KCNQ1: variants seen among roughly 807,000 people sequenced by gnomAD.
KCNQ1 encodes potassium voltage-gated channel subfamily KQT member 1.
Under a neutral mutation model 72.4 loss-of-function variants are expected in KCNQ1, and 49 were observed. The observed-to-expected ratio is 0.68, with a 90% CI of 0.54 to 0.86. The LOEUF is 0.86. Among genes scored for constraint, KCNQ1 ranks in the 40% least tolerant of loss-of-function variants. The pLI, the probability that KCNQ1 is intolerant of heterozygous loss-of-function variation, is 0.00. For missense variants in KCNQ1, 790 were observed against 945.1 expected (o/e 0.84, Z 2.15); for synonymous variants, 450 against 412.6 (o/e 1.09, Z -1.10).
chr11:2,529,889 C>T (rs1182706068), intron 2 of KCNQ1, among the ~76,000 whole-genome samples: 1 of 152,144 alleles, frequency 6.6e-6, no homozygotes, highest in African/African-American at 2.4e-5. Context: ...CCTTCAGGTC[C>T]GATGCCTGGC....
Position 2,663,096 on chromosome 11 carries a change from G to A in KCNQ1, c.1514+1015G>A, listed in dbSNP as rs570843444. The A allele has an allele frequency of 5.3e-5, 21 of 398,690 alleles. 1 individual carries two copies. The South Asian group carries it at 2.7e-3, about 51-fold the overall frequency. The allele number at this position is 398,690 out of a possible 1,614,324, so 24.7% of individuals were successfully genotyped here. A position where few individuals can be genotyped will look rare whatever the true frequency, so the allele number is the denominator to read the frequency against. On this transcript the variant is annotated intron_variant, in intron 11 of 15. Coordinates refer to ENST00000155840, the MANE Select transcript of KCNQ1 (RefSeq NM_000218.3). This position sits in a 1 kb window ranked among gnomAD's most constrained non-coding sequence, Gnocchi z 5.2. ...TAGCCAGAATGAGGCCACCTCCAGGGAAGGAGTGGCTATCTTAAGGGGTAA... is the reference window on the plus strand; with the variant it reads ...TAGCCAGAATGAGGCCACCTCCAGGAAAGGAGTGGCTATCTTAAGGGGTAA...
chr11:2,629,682 G>C (rs1200043623), intron 10 of KCNQ1: 2 of 398,284 alleles, frequency 5.0e-6, no homozygotes, highest in Admixed American at 4.4e-5. Flanking sequence ...TCTTTTTGAT[G>C]CTATTTTAAA....
chr11:2,599,320 A>G lies in KCNQ1; in HGVS notation c.1393+10466A>G, dbSNP rs1015038479. On this transcript the variant is annotated intron_variant, in intron 10 of 15. Transcript: ENST00000155840. The surrounding 1 kb of genome is among the most constrained non-coding windows in gnomAD (Gnocchi z 4.7). ...CAGTAAAATAGTAAAAATGCCTCTA[A>G]GGCTGCTGAAACAATTTTATTTTGA... Among the ~76,000 whole-genome samples, 1 of 152,244 alleles carries G rather than the reference A, an allele frequency of 6.6e-6. No homozygotes were observed. Among genetic ancestry groups the G allele is most frequent in the Non-Finnish European group, 1.5e-5 (1 of 68,042 alleles).
rs1847439311 is a variant in KCNQ1, at chr11:2,809,249, A to G, written c.1794+31212A>G. 6.6e-6 allele frequency among the ~76,000 whole-genome samples: 1 copy of G among 152,236 alleles called. No individual in the cohort carries two copies. Among genetic ancestry groups the G allele is most frequent in the Admixed American group, 6.5e-5 (1 of 15,282 alleles). On this transcript the variant is annotated intron_variant, in intron 15 of 15. Coordinates refer to ENST00000155840, the MANE Select transcript of KCNQ1 (RefSeq NM_000218.3). The surrounding 1 kb of genome is among the most constrained non-coding windows in gnomAD (Gnocchi z 7.1). The stretch of plus-strand genomic sequence containing the variant: ...AAACAGAAGGAATTGCTGAATTCAG[A>G]TAAATGTTTCTTCACCAAAAGAGAA...
At chr11:2,574,540 C>T (rs1240966216) in intron 6 of KCNQ1, among the ~76,000 whole-genome samples, 3 of 152,212 alleles carry the variant, frequency 2.0e-5, no homozygotes, top group Non-Finnish European at 4.4e-5. Context: ...CCGAGTCCTC[C>T]TTCCAGAAAG....
intron 8 of KCNQ1, 46 bp from the exon 9 acceptor site, chr11:2,587,524 C>T (rs780378493): frequency 6.2e-7 from 1 of 1,612,500 alleles, no homozygotes; most frequent in South Asian, 1.1e-5. Context: ...AGGGCCCCCG[C>T]CGGGTGGCTC....
intron 11 of KCNQ1, among the ~76,000 whole-genome samples, chr11:2,753,266 C>T (rs944706367): frequency 6.6e-6 from 1 of 152,118 alleles, no homozygotes; most frequent in African/African-American, 2.4e-5. Context: ...CCCCTCCTGC[C>T]GCCACTCAGG....
chr11:2,582,688 C>T (rs1011528502), intron 6 of KCNQ1, among the ~76,000 whole-genome samples: 2 of 152,164 alleles, frequency 1.3e-5, no homozygotes, highest in African/African-American at 4.8e-5. Context: ...TGCCTGAGGG[C>T]CACTCTGGGT....
intron 11 of KCNQ1, chr11:2,667,188 C>T: frequency 2.5e-6 from 1 of 398,732 alleles, no homozygotes; most frequent in Non-Finnish European, 4.4e-6. Flanking sequence ...ATCAGCCCAG[C>T]TGTGGCGGCC....
At chr11:2,743,928 T>G (rs1479393057) in intron 11 of KCNQ1, among the ~76,000 whole-genome samples, 4 of 152,206 alleles carry the variant, frequency 2.6e-5, no homozygotes, top group African/African-American at 9.6e-5. Context: ...CCTCCCCTGG[T>G]GGGCCTTGAG....
At position 2,612,653 on chromosome 11, in the gene KCNQ1, T is replaced by A; in HGVS notation, c.1393+23799T>A. Reference sequence around the variant, plus strand: ...TGAGTCTTTGTCATCACACTTGCATTCTTTAATGTGGTTTCTTTTGGTTCT... The same window carrying A: ...TGAGTCTTTGTCATCACACTTGCATACTTTAATGTGGTTTCTTTTGGTTCT... On this transcript the variant is annotated intron_variant, in intron 10 of 15. Coordinates refer to ENST00000155840, the MANE Select transcript of KCNQ1 (RefSeq NM_000218.3). The surrounding 1 kb of genome is among the most constrained non-coding windows in gnomAD (Gnocchi z 5.5). 5.0e-6 allele frequency: 2 copies of A among 398,604 alleles called. No homozygotes were observed. Among genetic ancestry groups the A allele is most frequent in the Non-Finnish European group, 8.8e-6 (2 of 226,058 alleles). 24.7% of individuals were successfully genotyped at this position (398,604 alleles called of 1,614,324 possible).
At chr11:2,795,455 A>G (rs369965492) in intron 15 of KCNQ1, among the ~76,000 whole-genome samples, 4 of 152,222 alleles carry the variant, frequency 2.6e-5, no homozygotes, top group East Asian at 3.8e-4. Context: ...TCCTCCTCCA[A>G]ACTGACACCC....
chr11:2,736,108 A>G (rs1845951358), intron 11 of KCNQ1, among the ~76,000 whole-genome samples: 2 of 152,114 alleles, frequency 1.3e-5, no homozygotes, highest in Non-Finnish European at 2.9e-5. Flanking sequence ...CATACTTTAG[A>G]TGCCAGAGGG....
In KCNQ1 at chr11:2,572,107, C is replaced by A; in HGVS notation, c.778C>A (p.Gln260Lys). 1 of 1,610,252 alleles carries A rather than the reference C, an allele frequency of 6.2e-7. No individual in the cohort carries two copies. Among genetic ancestry groups the A allele is most frequent in the Non-Finnish European group, 8.5e-7 (1 of 1,178,152 alleles). ...GGGCTCCGTGGTCTTCATCCACCGC[C>A]AGGTGGGTGGCCCGGGTTAGGGGTG... Reference protein sequence around the residue: ...LLGSVVFIHRQELITTLYIGF... With the variant: ...LLGSVVFIHRKELITTLYIGF... The change falls in exon 5 of 16, where the codon CAG becomes AAG. Residue 260 changes from glutamine to lysine, a missense_variant and splice_region_variant. Coordinates refer to ENST00000155840, the MANE Select transcript of KCNQ1 (RefSeq NM_000218.3).
At position 2,668,848 on chromosome 11, in the gene KCNQ1, T is replaced by C. The variant is rs1850130712; in HGVS notation, c.1514+6767T>C. 5.0e-6 allele frequency: 2 copies of C among 398,640 alleles called. No homozygotes were observed. Among genetic ancestry groups the C allele is most frequent in the Non-Finnish European group, 8.8e-6 (2 of 226,074 alleles). The allele number at this position is 398,640 out of a possible 1,614,324, so 24.7% of individuals were successfully genotyped here. ...ACATTTCCTCTCTGGATAGGGCTGT[T>C]TGTGTCCTATTTAAGAAACTTTGAC... On this transcript the variant is annotated intron_variant, in intron 11 of 15. Coordinates refer to ENST00000155840, the MANE Select transcript of KCNQ1 (RefSeq NM_000218.3). The surrounding 1 kb of genome is among the most constrained non-coding windows in gnomAD (Gnocchi z 4.3).
Position 2,669,394 on chromosome 11 carries a change from A to G in KCNQ1, c.1514+7313A>G. The G allele has an allele frequency of 2.5e-6, 1 of 398,656 alleles. No homozygotes were observed. Among genetic ancestry groups the G allele is most frequent in the Non-Finnish European group, 4.4e-6 (1 of 226,074 alleles). 24.7% of individuals were successfully genotyped at this position (398,656 alleles called of 1,614,324 possible). A position where few individuals can be genotyped will look rare whatever the true frequency, so the allele number is the denominator to read the frequency against. On this transcript the variant is annotated intron_variant, in intron 11 of 15. Transcript: ENST00000155840. The surrounding 1 kb of genome is among the most constrained non-coding windows in gnomAD (Gnocchi z 5.6). ...CTTATAGTTTTGGGGCTCCTGAAAC[A>G]TGGCATCATGTGTCCCTTGTTTATT...
rs34286049 is a variant in KCNQ1 at position 2,767,188 on chromosome 11, T to TGTGTGTA, written c.1515-1656_1515-1655insGTGTGTA. On this transcript the variant is annotated intron_variant, in intron 11 of 15. Transcript: ENST00000155840. The surrounding 1 kb of genome is among the most constrained non-coding windows in gnomAD (Gnocchi z 4.6). The stretch of plus-strand genomic sequence containing the variant: ...TCTATATGTGTGTGTGTGTGTGTAT[T>TGTGTGTA]TTTTTTTTTCTTTGCTTAGCTAGGA... 6.7e-4 allele frequency among the ~76,000 whole-genome samples: 93 copies of TGTGTGTA among 139,442 alleles called. No homozygotes were observed. Among genetic ancestry groups the TGTGTGTA allele is most frequent in the Middle Eastern group, 3.5e-3 (1 of 286 alleles). The allele number at this position is 139,442 out of a possible 152,430, so 91.5% of individuals were successfully genotyped here.
At chr11:2,692,725 CCTGCT>C in intron 11 of KCNQ1, 1 of 398,660 alleles carries the variant, frequency 2.5e-6, no homozygotes, top group Non-Finnish European at 4.4e-6. Flanking sequence ...TAGGCAGGTC[CCTGCT>C]CCTATCAAAT....
At position 2,621,835 on chromosome 11, in the gene KCNQ1, T is replaced by G; in HGVS notation, c.1393+32981T>G. 2.5e-6 allele frequency: 1 copy of G among 398,344 alleles called. No homozygotes were observed. The highest frequency in any genetic ancestry group is 4.4e-6 in the Non-Finnish European group (1 of 225,934). The allele number at this position is 398,344 out of a possible 1,614,324, so 24.7% of individuals were successfully genotyped here. ...TGTTTCAAAAATTGAAGTCTTAGTTTTACTGACTTTTTTCCCCTATGGTTT... is the reference window on the plus strand; with the variant it reads ...TGTTTCAAAAATTGAAGTCTTAGTTGTACTGACTTTTTTCCCCTATGGTTT... On this transcript the variant is annotated intron_variant, in intron 10 of 15. Coordinates refer to ENST00000155840, the MANE Select transcript of KCNQ1 (RefSeq NM_000218.3). The surrounding 1 kb of genome is among the most constrained non-coding windows in gnomAD (Gnocchi z 5.7).
Sources: allele counts gnomAD v4.1 joint callset (sites outside exome capture counted in the v4.1 genomes callset), GRCh38; gene constraint gnomAD v4.1.1; non-coding constraint Gnocchi (gnomAD v3.1); transcripts MANE v1.5; gene names NCBI Gene and HGNC (gene_info 2026-07-23, HGNC 2026-07-21).